Variants in PRKN observed in about 807,000 individuals in gnomAD.
PRKN encodes the protein E3 ubiquitin-protein ligase parkin.
In PRKN, 56 loss-of-function variants were observed where a neutral mutation model predicts 59.5. The ratio of observed to expected loss-of-function variants is 0.94; its 90% CI spans 0.76 to 1.18. The LOEUF (loss-of-function observed/expected upper bound fraction) is 1.18. PRKN is among the 50% of genes most tolerant of loss of function. The probability of loss-of-function intolerance (pLI) is 0.00; values close to 1 mark genes in which losing one functional copy is unlikely to be tolerated. For synonymous variants in PRKN, 250 were observed against 222.1 expected (o/e 1.13, Z -1.12); for missense variants, 657 against 596.4 (o/e 1.10, Z -1.06).
chr6:162,273,879 C>G (rs911981472), intron 2 of PRKN, among the ~76,000 whole-genome samples: 1 of 152,074 alleles, frequency 6.6e-6, no homozygotes, highest in African/African-American at 2.4e-5. Flanking sequence ...TATCACTACC[C>G]ACTTTCCCTT....
chr6:161,761,939 G>C (rs1031762198), intron 7 of PRKN, among the ~76,000 whole-genome samples: 3 of 152,216 alleles, frequency 2.0e-5, no homozygotes, highest in Admixed American at 1.3e-4. Context: ...CACCTTGGAG[G>C]ACAGGACATT....
chr6:162,294,136 C>T (rs193096777), intron 2 of PRKN, among the ~76,000 whole-genome samples: 2 of 152,036 alleles, frequency 1.3e-5, no homozygotes, highest in African/African-American at 4.8e-5. Flanking sequence ...AGGAGAGATG[C>T]AGAAAAGAGG....
intron 7 of PRKN, among the ~76,000 whole-genome samples, chr6:161,693,952 T>C (rs1172913704): frequency 1.3e-5 from 2 of 152,184 alleles, no homozygotes; most frequent in Non-Finnish European, 2.9e-5. Context: ...TGGAGAAGCC[T>C]AGAAATCCTT....
At chr6:162,114,100 C>T (rs1780562920) in intron 4 of PRKN, among the ~76,000 whole-genome samples, 1 of 151,168 alleles carries the variant, frequency 6.6e-6, no homozygotes, top group Non-Finnish European at 1.5e-5. Flanking sequence ...CAGTACCATG[C>T]TGTTTTGGTT....
At chr6:162,022,156 CAT>C (rs946912309) in intron 5 of PRKN, among the ~76,000 whole-genome samples, 39 of 152,134 alleles carry the variant, frequency 2.6e-4, no homozygotes, top group African/African-American at 8.9e-4. Flanking sequence ...TTGCAATAAA[CAT>C]ATGAGTTTTT....
intron 2 of PRKN, among the ~76,000 whole-genome samples, chr6:162,433,151 TC>T (rs1470218025): frequency 6.6e-6 from 1 of 152,222 alleles, no homozygotes; most frequent in Non-Finnish European, 1.5e-5. Context: ...TGTGAATTAT[TC>T]ATCAAATTAA....
Position 161,414,921 on chromosome 6 carries a change from G to A in PRKN, c.1084-28044C>T, listed in dbSNP as rs542524741. On this transcript the variant is annotated intron_variant, in intron 9 of 11. Transcript: ENST00000366898. The surrounding 1 kb of genome is among the most constrained non-coding windows in gnomAD (Gnocchi z 5.3). ...TAAATGCCTTTTGAAAGGGAGCTAGGCATAGGAGGAATTCACTTTCTTCCA... is the reference window on the plus strand; with the variant it reads ...TAAATGCCTTTTGAAAGGGAGCTAGACATAGGAGGAATTCACTTTCTTCCA... Among the ~76,000 whole-genome samples, 1 of 152,314 alleles carries A rather than the reference G, an allele frequency of 6.6e-6. No homozygotes were observed. Among genetic ancestry groups the A allele is most frequent in the South Asian group, 2.1e-4 (1 of 4,830 alleles).
chr6:162,409,636 T>C (rs1172158352), intron 2 of PRKN, among the ~76,000 whole-genome samples: 1 of 152,216 alleles, frequency 6.6e-6, no homozygotes, highest in African/African-American at 2.4e-5. Context: ...CAGTATTTTA[T>C]CAAGCATATA....
chr6:162,192,369 A>G (rs564087316), intron 4 of PRKN, among the ~76,000 whole-genome samples: 2 of 152,098 alleles, frequency 1.3e-5, no homozygotes, highest in African/African-American at 2.4e-5. Flanking sequence ...TACAAATATC[A>G]TAACAATTAA....
chr6:162,293,395 A>G (rs1781526843), intron 2 of PRKN, among the ~76,000 whole-genome samples: 1 of 152,230 alleles, frequency 6.6e-6, no homozygotes, highest in Non-Finnish European at 1.5e-5. Context: ...CAAAATATAG[A>G]AAACACAGAT....
chr6:162,594,734 T>C (rs1781436634), intron 1 of PRKN, among the ~76,000 whole-genome samples: 1 of 152,204 alleles, frequency 6.6e-6, no homozygotes, highest in African/African-American at 2.4e-5. Context: ...TTCTAAAAAG[T>C]ACAGTGGTCA....
chr6:162,302,745 G>C (rs1431191684), intron 2 of PRKN, among the ~76,000 whole-genome samples: 1 of 152,010 alleles, frequency 6.6e-6, no homozygotes, highest in Non-Finnish European at 1.5e-5. Flanking sequence ...GAAATGGTGA[G>C]ATCACCAACA....
chr6:161,999,604 C>T (rs189030220), intron 5 of PRKN, among the ~76,000 whole-genome samples: 324 of 152,072 alleles, frequency 2.1e-3, no homozygotes, highest in Non-Finnish European at 3.2e-3. Flanking sequence ...GCACAATGCC[C>T]GAGCCAAGAA....
chr6:162,472,759 G>C lies in PRKN; in HGVS notation c.8-29286C>G, dbSNP rs1327372039. On this transcript the variant is annotated intron_variant, in intron 1 of 11. Coordinates refer to ENST00000366898, the MANE Select transcript of PRKN (RefSeq NM_004562.3). ...ACCCGCCTTGGCCTCCCAAAGTGCT[G>C]GGATTACAGGTGTGAGCCACCGCGC... Among the ~76,000 whole-genome samples, 8 of 109,658 alleles carry C rather than the reference G, an allele frequency of 7.3e-5. 2 individuals are homozygous for C. The highest frequency in any genetic ancestry group is 1.4e-4 in the Non-Finnish European group (7 of 50,874). 71.9% of individuals were successfully genotyped at this position (109,658 alleles called of 152,430 possible).
chr6:161,358,786 C>G (rs1156825391), intron 11 of PRKN, among the ~76,000 whole-genome samples: 1 of 119,326 alleles, frequency 8.4e-6, no homozygotes, highest in Non-Finnish European at 1.8e-5. Flanking sequence ...GTGCCTTCTG[C>G]TCTTTTTTTT....
intron 7 of PRKN, among the ~76,000 whole-genome samples, chr6:161,626,105 T>G (rs544545367): frequency 6.6e-6 from 1 of 152,186 alleles, no homozygotes; most frequent in African/African-American, 2.4e-5. Context: ...AGATCCTATA[T>G]GTTCCTGGTG....
intron 2 of PRKN, among the ~76,000 whole-genome samples, chr6:162,289,728 A>C (rs948781906): frequency 1.3e-5 from 2 of 151,852 alleles, no homozygotes; most frequent in African/African-American, 4.8e-5. Context: ...AATTCACTCC[A>C]TAACGCCCAT....
At chr6:162,495,834 C>T (rs1358816649) in intron 1 of PRKN, among the ~76,000 whole-genome samples, 1 of 152,212 alleles carries the variant, frequency 6.6e-6, no homozygotes, top group Non-Finnish European at 1.5e-5. Context: ...CATCCCACAC[C>T]TGGACAGCCT....
Position 161,544,347 on chromosome 6 carries a change from A to T in PRKN, c.1083+4507T>A, listed in dbSNP as rs1268609336. Among the ~76,000 whole-genome samples, 1 of 152,226 alleles carries T rather than the reference A, an allele frequency of 6.6e-6. No individual in the cohort carries two copies. Among genetic ancestry groups the T allele is most frequent in the Non-Finnish European group, 1.5e-5 (1 of 68,046 alleles). On this transcript the variant is annotated intron_variant, in intron 9 of 11. Transcript: ENST00000366898. The surrounding 1 kb of genome is among the most constrained non-coding windows in gnomAD (Gnocchi z 5.5). ...CTATTAAAACACTGTATATTGTATA[A>T]GTATATAAAGGTGCTTACGTATTTT... is the stretch of plus-strand genomic sequence containing the variant.
Sources: allele counts gnomAD v4.1 joint callset (sites outside exome capture counted in the v4.1 genomes callset), GRCh38; gene constraint gnomAD v4.1.1; non-coding constraint Gnocchi (gnomAD v3.1); transcripts MANE v1.5; gene names NCBI Gene and HGNC (gene_info 2026-07-23, HGNC 2026-07-21).